Variants in BRD2 observed in about 807,000 individuals in gnomAD.
BRD2 encodes the protein bromodomain-containing protein 2.
Under a neutral mutation model 79.1 loss-of-function variants are expected in BRD2, and 15 were observed. The ratio of observed to expected loss-of-function variants is 0.19; its 90% CI spans 0.13 to 0.29. The LOEUF (loss-of-function observed/expected upper bound fraction) is 0.29, where lower values mean the gene tolerates loss of function less well. Ranked by LOEUF, BRD2 falls within the 10% of genes least tolerant of loss-of-function variation. BRD2 has a pLI of 1.00. For synonymous variants in BRD2, 488 were observed against 358.6 expected (o/e 1.36, Z -4.08); for missense variants, 1,053 against 991.3 (o/e 1.06, Z -0.84).
rs1561926860 is a variant in BRD2 at position 32,972,637 on chromosome 6, C to A, written c.-262C>A. 1 of 597,128 alleles carries A rather than the reference C, an allele frequency of 1.7e-6. No homozygotes were observed. The highest frequency in any genetic ancestry group is 3.0e-5 in the Admixed American group (1 of 33,634). The allele number at this position is 597,128 out of a possible 1,614,324, so 37.0% of individuals were successfully genotyped here. A position where few individuals can be genotyped will look rare whatever the true frequency, so the allele number is the denominator to read the frequency against. ...ACCGTCTTTTGAAGAGTCAGTCCCT[C>A]CTTAGTTGCCCGCCTCAGCTGAGGC... On this transcript the variant is annotated 5_prime_UTR_variant, in exon 2 of 13. Transcript: ENST00000374825.
At position 32,977,526 on chromosome 6, in the gene BRD2, A is replaced by G; in HGVS notation, c.1285A>G (p.Asn429Asp). 1 of 1,614,088 alleles carries G rather than the reference A, an allele frequency of 6.2e-7. No individual in the cohort carries two copies. The highest frequency in any genetic ancestry group is 8.5e-7 in the Non-Finnish European group (1 of 1,180,040). ...RLMFSNCYKY[N>D]PPDHDVVAMA... ...TATGTTCTCCAACTGCTATAAGTAC[A>G]ATCCCCCAGATCACGATGTTGTGGC... Residue 429 changes from asparagine to aspartate, a missense_variant, in exon 8 of 13, where the codon AAT (asparagine) becomes GAT (aspartate). Around this residue, in one of 5 missense-constraint regions of BRD2, gnomAD observed 454 missense variants for 430.5 expected, o/e 1.05. Coordinates refer to ENST00000374825, the MANE Select transcript of BRD2 (RefSeq NM_005104.4).
At chr6:32,975,945 G>A in intron 4 of BRD2, 86 bp from the exon 5 acceptor site, 1 of 1,455,914 alleles carries the variant, frequency 6.9e-7, no homozygotes, top group Admixed American at 2.2e-5. Flanking sequence ...ATGGCCTAGG[G>A]CCTGAATGCC....
At position 32,972,867 on chromosome 6, in the gene BRD2, G is replaced by T; in HGVS notation, c.-32G>T. 6.2e-7 allele frequency: 1 copy of T among 1,613,950 alleles called. No homozygotes were observed. Among genetic ancestry groups the T allele is most frequent in the East Asian group, 2.2e-5 (1 of 44,878 alleles). On this transcript the variant is annotated 5_prime_UTR_variant, in exon 2 of 13. Coordinates refer to ENST00000374825, the MANE Select transcript of BRD2 (RefSeq NM_005104.4). ...ACCGAGGCCACCCGGACTTTCCGCG[G>T]CTGAGGGCAGCGCCGGTTCCTTGCG...
intron 1 of BRD2, chr6:32,971,213 T>G: frequency 1.2e-5 from 2 of 173,216 alleles, no homozygotes; most frequent in African/African-American, 2.4e-5. Context: ...GTGTGTTGCA[T>G]TGTATAGGGT....
Position 32,974,718 on chromosome 6 carries a change from G to A in BRD2, c.286G>A (p.Ala96Thr), listed in dbSNP as rs749685778. 1 of 1,614,148 alleles carries A rather than the reference G, an allele frequency of 6.2e-7. No individual in the cohort carries two copies. Among genetic ancestry groups the A allele is most frequent in the Non-Finnish European group, 8.5e-7 (1 of 1,180,016 alleles). Reference protein sequence around the residue: ...VMKALWKHQFAWPFRQPVDAV... With the variant: ...VMKALWKHQFTWPFRQPVDAV... ...GAAGGCTCTGTGGAAACATCAGTTC[G>A]CATGGCCATTCCGGCAGCCTGTGGA... The change falls in exon 3 of 13, where the codon GCA (alanine) becomes ACA (threonine). Residue 96 changes from alanine to threonine, a missense_variant. Coordinates refer to ENST00000374825, the MANE Select transcript of BRD2 (RefSeq NM_005104.4).
chr6:32,975,070 T>G (rs942000093), intron 3 of BRD2: 17 of 1,517,868 alleles, frequency 1.1e-5, no homozygotes, highest in Admixed American at 2.0e-5. Context: ...ATTCTTAGCT[T>G]CTTCCTTTCC....
intron 8 of BRD2, 72 bp from the exon 9 acceptor site, chr6:32,977,685 C>G: frequency 1.9e-6 from 3 of 1,604,344 alleles, no homozygotes; most frequent in Non-Finnish European, 2.6e-6. Context: ...TAAATTGGAG[C>G]TATATCACTT....
intron 2 of BRD2, chr6:32,973,144 C>T (rs1582889956): frequency 8.4e-6 from 13 of 1,548,394 alleles, no homozygotes; most frequent in African/African-American, 5.5e-5. Context: ...TCAATTTATA[C>T]GCTATTAATG....
intron 2 of BRD2, chr6:32,973,133 G>T (rs1227980118): frequency 4.3e-5 from 66 of 1,550,416 alleles, no homozygotes; most frequent in Non-Finnish European, 5.7e-5. Flanking sequence ...AATACAGGTT[G>T]TCAATTTATA....
Position 32,972,841 on chromosome 6 carries a change from A to T in BRD2, c.-58A>T. Reference sequence around the variant, plus strand: ...TTATGCTGGACCGGGCGGTGAGGGGAACCGAGGCCACCCGGACTTTCCGCG... The same window carrying T: ...TTATGCTGGACCGGGCGGTGAGGGGTACCGAGGCCACCCGGACTTTCCGCG... On this transcript the variant is annotated 5_prime_UTR_variant, in exon 2 of 13. Transcript: ENST00000374825. The T allele has an allele frequency of 1.2e-6, 2 of 1,613,144 alleles. No homozygotes were observed. The highest frequency in any genetic ancestry group is 1.7e-6 in the Non-Finnish European group (2 of 1,179,828).
intron 3 of BRD2, 167 bp from the exon 4 acceptor site, chr6:32,975,217 T>A: frequency 8.0e-7 from 1 of 1,251,776 alleles, no homozygotes; most frequent in Non-Finnish European, 1.1e-6. Flanking sequence ...TTTATTTATT[T>A]ATTTATTTTG....
chr6:32,973,151 A>G (rs745727025), intron 2 of BRD2: 11 of 1,547,046 alleles, frequency 7.1e-6, no homozygotes, highest in Middle Eastern at 1.7e-4. Flanking sequence ...ATACGCTATT[A>G]ATGCCGCCGT....
At chr6:32,974,410 A>C in intron 2 of BRD2, 52 bp from the exon 3 acceptor site, 1 of 1,556,508 alleles carries the variant, frequency 6.4e-7, no homozygotes, top group Non-Finnish European at 8.7e-7. Flanking sequence ...GTGCAGATGC[A>C]CTTTTTCCTC....
At chr6:32,975,293 T>C in intron 3 of BRD2, 91 bp from the exon 4 acceptor site, 3 of 1,105,830 alleles carry the variant, frequency 2.7e-6, no homozygotes, top group Non-Finnish European at 1.3e-6. Flanking sequence ...GGGGTGTGTG[T>C]GTGTGTGTGT....
intron 12 of BRD2, 32 bp downstream of exon 12, chr6:32,980,496 G>A: frequency 1.9e-6 from 3 of 1,612,586 alleles, no homozygotes; most frequent in Non-Finnish European, 2.5e-6. Flanking sequence ...ACTACAGATT[G>A]ACTCCATCCT....
At chr6:32,971,335 T>C (rs1329349238) in intron 1 of BRD2, 3 of 361,982 alleles carry the variant, frequency 8.3e-6, no homozygotes, top group South Asian at 1.3e-4. Flanking sequence ...ATTAGAAAGG[T>C]GCTTGGACGT....
At position 32,976,252 on chromosome 6, in the gene BRD2, C is replaced by T. The variant is rs1778734637; in HGVS notation, c.613C>T (p.Leu205Phe). The stretch of plus-strand genomic sequence containing the variant: ...TACACTTTTTTCCTTTTTTCTAGCG[C>T]TCCAGGGCAGTGTTACCAGTGCCCA... ...SHKKGAKLAA[L>F]QGSVTSAHQV... Residue 205 changes from leucine to phenylalanine, a missense_variant and splice_region_variant, in exon 6 of 13, where the codon CTC (leucine) becomes TTC (phenylalanine). Around this residue, in one of 5 missense-constraint regions of BRD2, gnomAD observed 413 missense variants for 335.1 expected, o/e 1.23. Coordinates refer to ENST00000374825, the MANE Select transcript of BRD2 (RefSeq NM_005104.4). 1.9e-6 allele frequency: 3 copies of T among 1,612,806 alleles called. No homozygotes were observed. Among genetic ancestry groups the T allele is most frequent in the Non-Finnish European group, 1.7e-6 (2 of 1,179,866 alleles).
In BRD2 at chr6:32,972,780, G is replaced by A. The variant is rs912712229; in HGVS notation, c.-119G>A. 8.1e-6 allele frequency: 12 copies of A among 1,487,988 alleles called. No homozygotes were observed. In the Admixed American group the frequency reaches 8.5e-5, roughly 10 times the overall value. 92.2% of individuals were successfully genotyped at this position (1,487,988 alleles called of 1,614,324 possible). On this transcript the variant is annotated 5_prime_UTR_variant, in exon 2 of 13. Transcript: ENST00000374825. ...CCAGGCAGGGGGTTTGTCGCCTGGAGGCCCAAGAGGAACGGCCTCCCCCCA... is the reference window on the plus strand; with the variant it reads ...CCAGGCAGGGGGTTTGTCGCCTGGAAGCCCAAGAGGAACGGCCTCCCCCCA...
At chr6:32,975,145 G>A (rs968681536) in intron 3 of BRD2, 2 of 1,492,468 alleles carry the variant, frequency 1.3e-6, no homozygotes, top group South Asian at 1.2e-5. Context: ...TTCCAGAGTG[G>A]GTGGGAGGTG....
Sources: allele counts gnomAD v4.1 joint callset, GRCh38; gene constraint gnomAD v4.1.1; regional missense constraint gnomAD v4.1.1; transcripts MANE v1.5; gene names NCBI Gene and HGNC (gene_info 2026-07-23, HGNC 2026-07-21).